SLC44A5: variants seen among roughly 807,000 people sequenced by gnomAD.
The protein encoded by SLC44A5 is choline transporter-like protein 5.
In SLC44A5, 57 loss-of-function variants were observed where a neutral mutation model predicts 101.8. The observed-to-expected ratio is 0.56, with a 90% CI of 0.45 to 0.70. The LOEUF (loss-of-function observed/expected upper bound fraction) is 0.70, where lower values mean the gene tolerates loss of function less well. Ranked by LOEUF, SLC44A5 falls within the 30% of genes least tolerant of loss-of-function variation. SLC44A5 has a pLI of 0.00. For synonymous variants in SLC44A5, 281 were observed against 290.9 expected (o/e 0.97, Z 0.35); for missense variants, 737 against 853.1 (o/e 0.86, Z 1.70).
upstream of SLC44A5, among the ~76,000 whole-genome samples, chr1:75,612,674 C>G (rs1004121859): frequency 2.6e-5 from 4 of 152,074 alleles, no homozygotes; most frequent in African/African-American, 7.2e-5. Context: ...TACCGTATCC[C>G]TAGTGTTTTG....
rs978594744 is a variant in SLC44A5, at chr1:75,512,662, A to C, written c.13+28773T>G. Among the ~76,000 whole-genome samples the C allele has an allele frequency of 3.3e-5, 5 of 152,208 alleles. No individual in the cohort carries two copies. In the South Asian group the frequency reaches 8.3e-4, roughly 25 times the overall value. The stretch of plus-strand genomic sequence containing the variant: ...ACAAGTAGATATTGGATGTAGTACT[A>C]TGAAGCGTAGTGATCATAAGAGTAT... On this transcript the variant is annotated intron_variant, in intron 2 of 23. Coordinates refer to ENST00000370859, the MANE Select transcript of SLC44A5 (RefSeq NM_001130058.2).
intron 4 of SLC44A5, among the ~76,000 whole-genome samples, chr1:75,313,373 T>C (rs1319490681): frequency 6.6e-6 from 1 of 152,238 alleles, no homozygotes; most frequent in Non-Finnish European, 1.5e-5. Context: ...AGTAAACTAT[T>C]TCACTTTTTT....
At chr1:75,714,686 C>CT in the SLC44A5 span, among the ~76,000 whole-genome samples, 1 of 151,926 alleles carries the variant, frequency 6.6e-6, no homozygotes, top group East Asian at 1.9e-4. Flanking sequence ...GTAGTATTTT[C>CT]TTTTTTTTGA....
chr1:75,596,314 C>T (rs1033135173), intron 1 of SLC44A5, among the ~76,000 whole-genome samples: 2 of 151,580 alleles, frequency 1.3e-5, no homozygotes, highest in Admixed American at 1.3e-4. Context: ...AGCCTACCAA[C>T]CAAAAAAAAG....
In SLC44A5 at chr1:75,339,509, A is replaced by G; in HGVS notation, c.101+73T>C. The G allele has an allele frequency of 4.1e-6, 5 of 1,209,476 alleles. No homozygotes were observed. In the South Asian group the frequency reaches 7.4e-5, roughly 18 times the overall value. 74.9% of individuals were successfully genotyped at this position (1,209,476 alleles called of 1,614,324 possible). A position where few individuals can be genotyped will look rare whatever the true frequency, so the allele number is the denominator to read the frequency against. On this transcript the variant is annotated intron_variant, in intron 4 of 23. Transcript: ENST00000370859. ...CACAATTCTCCACTGACTGGAAAACAGTACCTCCCCCATCCCCCAAAGCTT... is the reference window on the plus strand; with the variant it reads ...CACAATTCTCCACTGACTGGAAAACGGTACCTCCCCCATCCCCCAAAGCTT...
chr1:75,357,519 C>T (rs1659170429), intron 3 of SLC44A5, among the ~76,000 whole-genome samples: 1 of 152,086 alleles, frequency 6.6e-6, no homozygotes, highest in Non-Finnish European at 1.5e-5. Flanking sequence ...AAGACTGTAA[C>T]ACAAGAAGTC....
At chr1:75,463,482 C>A (rs1186043880) in intron 2 of SLC44A5, among the ~76,000 whole-genome samples, 1 of 145,128 alleles carries the variant, frequency 6.9e-6, no homozygotes, top group South Asian at 2.2e-4. Flanking sequence ...AAATAACGTA[C>A]AATGGAGCTC....
chr1:75,324,538 T>C (rs988877028), intron 4 of SLC44A5, among the ~76,000 whole-genome samples: 6 of 152,192 alleles, frequency 3.9e-5, no homozygotes, highest in African/African-American at 1.4e-4. Flanking sequence ...TAAAAATATT[T>C]GAAGTAATGA....
chr1:75,417,795 C>G (rs1270310903), intron 2 of SLC44A5, among the ~76,000 whole-genome samples: 1 of 152,124 alleles, frequency 6.6e-6, no homozygotes, highest in African/African-American at 2.4e-5. Flanking sequence ...AGAGCCAAGG[C>G]TAAAATCTTA....
intron 3 of SLC44A5, among the ~76,000 whole-genome samples, chr1:75,385,858 C>A (rs1661298457): frequency 1.3e-5 from 2 of 152,174 alleles, no homozygotes; most frequent in East Asian, 1.9e-4. Flanking sequence ...AGCTTATCCA[C>A]CATGATCAAA....
At chr1:75,627,783 TTTC>T in the SLC44A5 span, among the ~76,000 whole-genome samples, 1 of 151,700 alleles carries the variant, frequency 6.6e-6, no homozygotes, top group South Asian at 2.1e-4. Flanking sequence ...ATCTCTTTTT[TTTC>T]TTCATTTGAC....
chr1:75,472,562 C>T (rs1667169849), intron 2 of SLC44A5, among the ~76,000 whole-genome samples: 2 of 152,162 alleles, frequency 1.3e-5, no homozygotes, highest in Admixed American at 1.3e-4. Context: ...AGTGAGATAT[C>T]AGCGCCCCAG....
chr1:75,692,398 T>C, the SLC44A5 span, among the ~76,000 whole-genome samples: 1 of 151,962 alleles, frequency 6.6e-6, no homozygotes, highest in Admixed American at 6.6e-5. Context: ...GGTTTCACCA[T>C]GTTAGCCAGG....
chr1:75,263,979 G>C (rs916646358), intron 6 of SLC44A5, among the ~76,000 whole-genome samples: 1 of 151,964 alleles, frequency 6.6e-6, no homozygotes, highest in Non-Finnish European at 1.5e-5. Flanking sequence ...GGGGCCTGTT[G>C]GGGGGTTGCG....
At position 75,325,853 on chromosome 1, in the gene SLC44A5, C is replaced by T. The variant is rs1296887283; in HGVS notation, c.101+13729G>A. ...CAGATTTGGGAATATTTGCAATGTACATAATGAGATATTTTGGGGGTGCAA... is the reference window on the plus strand; with the variant it reads ...CAGATTTGGGAATATTTGCAATGTATATAATGAGATATTTTGGGGGTGCAA... On this transcript the variant is annotated intron_variant, in intron 4 of 23. Coordinates refer to ENST00000370859, the MANE Select transcript of SLC44A5 (RefSeq NM_001130058.2). 2.6e-5 allele frequency among the ~76,000 whole-genome samples: 4 copies of T among 150,998 alleles called. No individual in the cohort carries two copies. The East Asian group carries it at 7.9e-4, about 30-fold the overall frequency.
chr1:75,233,689 T>C (rs1205480775), intron 12 of SLC44A5, among the ~76,000 whole-genome samples: 2 of 152,168 alleles, frequency 1.3e-5, no homozygotes, highest in African/African-American at 2.4e-5. Context: ...ATGTTTTTCA[T>C]TAATCTAAAA....
At chr1:75,456,095 C>T (rs2101677053) in intron 2 of SLC44A5, among the ~76,000 whole-genome samples, 1 of 152,258 alleles carries the variant, frequency 6.6e-6, no homozygotes, top group South Asian at 2.1e-4. Context: ...ACAACAAAGA[C>T]ATGAAATCAA....
chr1:75,475,893 A>G (rs944741650), intron 2 of SLC44A5, among the ~76,000 whole-genome samples: 5 of 152,362 alleles, frequency 3.3e-5, no homozygotes, highest in Non-Finnish European at 7.3e-5. Flanking sequence ...AAAACAACAT[A>G]TATCTCAGTG....
chr1:75,291,286 T>A (rs868223120), intron 5 of SLC44A5, among the ~76,000 whole-genome samples: 4 of 151,992 alleles, frequency 2.6e-5, no homozygotes, highest in Non-Finnish European at 4.4e-5. Context: ...AGGACGAGAG[T>A]TTATGGGTTT....
Sources: gnomAD v4.1 joint callset for allele counts (sites outside exome capture counted in the v4.1 genomes callset) on GRCh38, gnomAD v4.1.1 for gene constraint, MANE v1.5 for transcripts, NCBI Gene and HGNC (gene_info 2026-07-23, HGNC 2026-07-21) for gene names.